The following NAF1 variants were observed in gnomAD, a reference collection of about 807,000 sequenced individuals.
NAF1 encodes the protein H/ACA ribonucleoprotein complex non-core subunit NAF1.
A neutral mutation model predicts 40.6 loss-of-function variants in NAF1; 11 were observed. The observed-to-expected ratio is 0.27, with a 90% CI of 0.17 to 0.45. The LOEUF is 0.45. Ranked by LOEUF, NAF1 falls within the 20% of genes least tolerant of loss-of-function variation. The pLI is 1.00. For synonymous variants in NAF1, 260 were observed against 228.5 expected (o/e 1.14, Z -1.24); for missense variants, 607 against 611.1 (o/e 0.99, Z 0.07).
intron 2 of NAF1, among the ~76,000 whole-genome samples, chr4:163,153,571 A>C (rs1416066257): frequency 6.6e-6 from 1 of 152,114 alleles, no homozygotes; most frequent in Non-Finnish European, 1.5e-5. Flanking sequence ...TTGTGAATGC[A>C]CCAATCGACA....
chr4:163,114,990 T>C (rs1038422483), intron 2 of NAF1, among the ~76,000 whole-genome samples: 14 of 152,092 alleles, frequency 9.2e-5, no homozygotes, highest in African/African-American at 3.1e-4. Flanking sequence ...TTTTACATTT[T>C]ATTGGCATAA....
At chr4:163,118,767 A>T (rs1730428552) in intron 2 of NAF1, among the ~76,000 whole-genome samples, 1 of 152,214 alleles carries the variant, frequency 6.6e-6, no homozygotes, top group African/African-American at 2.4e-5. Context: ...AAAGAAAAAA[A>T]AAAGAAATAA....
Position 163,148,393 on chromosome 4 carries a change from T to C in NAF1, c.582A>G (p.Glu194=). 2 of 1,584,634 alleles carry C rather than the reference T, an allele frequency of 1.3e-6. No individual in the cohort carries two copies. The highest frequency in any genetic ancestry group is 8.5e-7 in the Non-Finnish European group (1 of 1,170,284). The change falls in exon 3 of 8, where the codon GAA becomes GAG. Residue 194 remains glutamate (E), a synonymous_variant. Coordinates refer to ENST00000274054, the MANE Select transcript of NAF1 (RefSeq NM_138386.3). The part of the protein sequence containing the change: ...SVEELTIILP[E]DIELKPLGMV... ...TCCCAAGAGGCTTTAACTCAATATC[T>C]TCAGGCAGAATAATAGTGAGTTCTT...
In NAF1 at chr4:163,166,374, C is replaced by T; in HGVS notation, c.354G>A (p.Ser118=). 1 of 1,602,424 alleles carries T rather than the reference C, an allele frequency of 6.2e-7. No homozygotes were observed. Among genetic ancestry groups the T allele is most frequent in the East Asian group, 2.2e-5 (1 of 44,596 alleles). Reference sequence around the variant, plus strand: ...CTTAGGCACCCGACCTGTCCGAGTCCGAATCCGAGTCCGAGGTCTCCAAGG... The same window carrying T: ...CTTAGGCACCCGACCTGTCCGAGTCTGAATCCGAGTCCGAGGTCTCCAAGG... The part of the protein sequence containing the change: ...PDSLETSDSD[S]DSDSETDSDS... Residue 118 remains serine, a synonymous_variant, in exon 1 of 8, where the codon TCG becomes TCA. Coordinates refer to ENST00000274054, the MANE Select transcript of NAF1 (RefSeq NM_138386.3).
At chr4:163,124,738 C>A (rs934157237), downstream of NAF1, among the ~76,000 whole-genome samples, 1 of 152,188 alleles carries the variant, frequency 6.6e-6, no homozygotes, top group African/African-American at 2.4e-5. Flanking sequence ...AAGCAAAGAT[C>A]AAATGGTATA....
chr4:163,145,794 T>C lies in NAF1; in HGVS notation c.705A>G (p.Gln235=), dbSNP rs574017056. 6 of 1,584,404 alleles carry C rather than the reference T, an allele frequency of 3.8e-6. No homozygotes were observed. The highest frequency in any genetic ancestry group is 1.1e-5 in the South Asian group (1 of 87,226). ...ATGTTTTACAAACCTTTCCTGCTGCTTGTCGATCACTTTTAAAAATTACAG... is the reference window on the plus strand; with the variant it reads ...ATGTTTTACAAACCTTTCCTGCTGCCTGTCGATCACTTTTAAAAATTACAG... ...EETVIFKSDR[Q]AAGKIFEIFG... Residue 235 remains glutamine, a synonymous_variant, in exon 4 of 8, where the codon CAA becomes CAG. Transcript: ENST00000274054.
Position 163,131,924 on chromosome 4 carries a change from C to A in NAF1, c.1033+1230G>T, listed in dbSNP as rs925825587. On this transcript the variant is annotated intron_variant, in intron 7 of 7. Coordinates refer to ENST00000274054, the MANE Select transcript of NAF1 (RefSeq NM_138386.3). ...GGCAAAAGATAATGAACTGACATATCACTGAAGATACCGATAGTAAATGAA... is the reference window on the plus strand; with the variant it reads ...GGCAAAAGATAATGAACTGACATATAACTGAAGATACCGATAGTAAATGAA... 3.9e-5 allele frequency among the ~76,000 whole-genome samples: 6 copies of A among 152,306 alleles called. No individual in the cohort carries two copies. In the East Asian group the frequency reaches 1.2e-3, roughly 29 times the overall value.
At chr4:163,129,498 A>G in intron 7 of NAF1, 150 bp from the exon 8 acceptor site, 1 of 873,366 alleles carries the variant, frequency 1.1e-6, no homozygotes, top group Non-Finnish European at 1.7e-6. Context: ...ATTTGAAATG[A>G]ACTGAAAAGA....
downstream of NAF1, among the ~76,000 whole-genome samples, chr4:163,121,935 T>C (rs961344952): frequency 2.0e-5 from 3 of 152,212 alleles, no homozygotes; most frequent in Non-Finnish European, 2.9e-5. Context: ...GTGAAAGAGA[T>C]TGCCTTTTCT....
At chr4:163,117,669 C>T (rs189776218) in intron 2 of NAF1, among the ~76,000 whole-genome samples, 1 of 107,356 alleles carries the variant, frequency 9.3e-6, no homozygotes, top group African/African-American at 4.8e-5. Flanking sequence ...TTTTAAACTC[C>T]CTGGAAGCAA....
At position 163,164,248 on chromosome 4, in the gene NAF1, G is replaced by A. The variant is rs770596293; in HGVS notation, c.509C>T (p.Pro170Leu). The A allele has an allele frequency of 1.3e-6, 2 of 1,565,368 alleles. No individual in the cohort carries two copies. The highest frequency in any genetic ancestry group is 2.5e-5 in the South Asian group (2 of 80,774). Residue 170 changes from proline (P) to leucine (L), a missense_variant, in exon 2 of 8, where the codon CCT becomes CTT. By Grantham distance (98) the Pro-to-Leu change is moderately conservative (BLOSUM62 -3). Around this residue, in one of 3 missense-constraint regions of NAF1, gnomAD observed 407 missense variants for 365.5 expected, o/e 1.11. Coordinates refer to ENST00000274054, the MANE Select transcript of NAF1 (RefSeq NM_138386.3). ...LQIEKENKNF[P>L]LKTKDELLLN... ...AAGTAATTCATCTTTTGTTTTAAGA[G>A]GAAAATTCTTATTTTCCTTCTCAAT...
chr4:163,104,854 T>C, the NAF1 span, among the ~76,000 whole-genome samples: 1 of 152,354 alleles, frequency 6.6e-6, no homozygotes, highest in African/African-American at 2.4e-5. Flanking sequence ...GGAAAGCTAT[T>C]ATTTGTGCAT....
chr4:163,116,187 TC>T (rs923622209), intron 2 of NAF1, among the ~76,000 whole-genome samples: 1 of 152,166 alleles, frequency 6.6e-6, no homozygotes, highest in African/African-American at 2.4e-5. Context: ...CAATCCAGTT[TC>T]CAACTAATTA....
At chr4:163,121,875 G>T (rs573033801), downstream of NAF1, among the ~76,000 whole-genome samples, 7 of 152,280 alleles carry the variant, frequency 4.6e-5, no homozygotes, top group Middle Eastern at 6.8e-3. Context: ...GACACAGAAA[G>T]AATTGTTTAT....
chr4:163,127,116 C>G (rs1452616343), downstream of NAF1: 3 of 1,550,250 alleles, frequency 1.9e-6, no homozygotes, highest in Admixed American at 3.9e-5. Flanking sequence ...ATACCTGTAC[C>G]TGGGGTAAAG....
chr4:163,135,461 A>G (rs1039171956), intron 6 of NAF1: 1 of 152,238 alleles, frequency 6.6e-6, no homozygotes, highest in Non-Finnish European at 1.5e-5. Flanking sequence ...TGGTAACTTC[A>G]ATGCTTAGGT....
intron 6 of NAF1, 114 bp downstream of exon 6, chr4:163,137,085 C>T: frequency 8.8e-7 from 1 of 1,131,090 alleles, no homozygotes; most frequent in East Asian, 2.6e-5. Context: ...CAGGATAAGG[C>T]AGTATGGCTG....
At chr4:163,126,524 G>A (rs906711298), downstream of NAF1, among the ~76,000 whole-genome samples, 8 of 152,128 alleles carry the variant, frequency 5.3e-5, no homozygotes, top group African/African-American at 1.2e-4. Context: ...GAACAGATGA[G>A]GAGTTACTTC....
At position 163,134,434 on chromosome 4, in the gene NAF1, C is replaced by T. The variant is rs570769405; in HGVS notation, c.931-1178G>A. Among the ~76,000 whole-genome samples, 10 of 152,200 alleles carry T rather than the reference C, an allele frequency of 6.6e-5. No individual in the cohort carries two copies. The South Asian group carries it at 8.3e-4, about 13-fold the overall frequency. ...TTGAAAACATGAACTAATTGTATGC[C>T]TTCCAATGCATAATTTCTTATTACT... is the stretch of plus-strand genomic sequence containing the variant. On this transcript the variant is annotated intron_variant, in intron 6 of 7. Transcript: ENST00000274054.
Sources: allele counts gnomAD v4.1 joint callset (sites outside exome capture counted in the v4.1 genomes callset), GRCh38; gene constraint gnomAD v4.1.1; regional missense constraint gnomAD v4.1.1; transcripts MANE v1.5; gene names NCBI Gene and HGNC (gene_info 2026-07-23, HGNC 2026-07-21).